Variants in SRD5A1 observed in about 807,000 individuals in gnomAD.
The protein encoded by SRD5A1 is 3-oxo-5-alpha-steroid 4-dehydrogenase 1.
Under a neutral mutation model 28.2 loss-of-function variants are expected in SRD5A1, and 22 were observed. The ratio of observed to expected loss-of-function variants is 0.78; its 90% confidence interval spans 0.56 to 1.12. SRD5A1 has a LOEUF of 1.12. Among genes scored for constraint, SRD5A1 ranks in the 50% most tolerant of loss-of-function variants. SRD5A1 has a pLI of 0.00. For missense variants in SRD5A1, 300 were observed against 346.7 expected (o/e 0.87, Z 1.07); for synonymous variants, 151 against 135.0 (o/e 1.12, Z -0.82).
intron 1 of SRD5A1, among the ~76,000 whole-genome samples, chr5:6,637,628 G>T (rs1254738734): frequency 6.6e-6 from 1 of 152,202 alleles, no homozygotes; most frequent in Non-Finnish European, 1.5e-5. Context: ...TTAGTCAGGG[G>T]ATTGTCTCTG....
rs1479135194 is a variant in SRD5A1 at position 6,668,410 on chromosome 5, A to G, written c.*142A>G. 3 of 531,068 alleles carry G rather than the reference A, an allele frequency of 5.6e-6. No homozygotes were observed. 32.9% of individuals were successfully genotyped at this position (531,068 alleles called of 1,614,324 possible). ...TCCTCTAGGAATTTTTTTTCTAGTA[A>G]TTTTGCAATCTACCTAATAAGTACC... On this transcript the variant is annotated 3_prime_UTR_variant, in exon 5 of 5. Transcript: ENST00000274192.
At chr5:6,636,239 C>G (rs1305193614) in intron 1 of SRD5A1, among the ~76,000 whole-genome samples, 1 of 152,122 alleles carries the variant, frequency 6.6e-6, no homozygotes, top group African/African-American at 2.4e-5. Context: ...TGGAAGAGAA[C>G]CAGAGTGGAA....
In SRD5A1 at chr5:6,671,846, G is replaced by A. The variant is rs39847; in HGVS notation, c.*3578G>A. 0.72 allele frequency: 109,126 copies of A among 152,140 alleles called. 39,299 individuals carry two copies. The highest frequency in any genetic ancestry group is 0.79 in the East Asian group (4,074 of 5,180). The allele number at this position is 152,140 out of a possible 1,614,324, so 9.4% of individuals were successfully genotyped here. ...CTTATGGGAAAAAAAGATATTCATCGACCTATTCCAGGTCCTCTCTCCACC... is the reference window on the plus strand; with the variant it reads ...CTTATGGGAAAAAAAGATATTCATCAACCTATTCCAGGTCCTCTCTCCACC... On this transcript the variant is annotated 3_prime_UTR_variant, in exon 5 of 5. Transcript: ENST00000274192.
intron 4 of SRD5A1, among the ~76,000 whole-genome samples, chr5:6,667,581 C>G (rs1561007186): frequency 6.6e-6 from 1 of 152,188 alleles, no homozygotes; most frequent in Non-Finnish European, 1.5e-5. Context: ...GCCACCTTTC[C>G]CAACTGGCTA....
chr5:6,652,103 T>C (rs1738695203), intron 2 of SRD5A1, 95 bp downstream of exon 2: 1 of 1,383,492 alleles, frequency 7.2e-7, no homozygotes, highest in African/African-American at 1.4e-5. Context: ...AAGCTTCCTG[T>C]GAGAACAAAG....
Position 6,668,228 on chromosome 5 carries a change from A to G in SRD5A1, c.740A>G (p.Tyr247Cys). 1 of 1,588,760 alleles carries G rather than the reference A, an allele frequency of 6.3e-7. No individual in the cohort carries two copies. The highest frequency in any genetic ancestry group is 1.2e-5 in the South Asian group (1 of 85,358). Residue 247 changes from tyrosine (Y) to cysteine (C), a missense_variant, in exon 5 of 5, where the codon TAT (tyrosine) becomes TGT (cysteine). By Grantham distance (194) the Tyr-to-Cys change is radical. Around this residue, in one of 2 missense-constraint regions of SRD5A1, gnomAD observed 126 missense variants for 185.7 expected, o/e 0.68. Transcript: ENST00000274192. ...HEWYLRKFEE[Y>C]PKFRKIIIPF... ...TGGTACCTCCGGAAATTTGAAGAGTATCCAAAGTTCAGAAAAATTATAATT... is the reference window on the plus strand; with the variant it reads ...TGGTACCTCCGGAAATTTGAAGAGTGTCCAAAGTTCAGAAAAATTATAATT...
intron 3 of SRD5A1, among the ~76,000 whole-genome samples, chr5:6,661,249 G>A (rs1738989963): frequency 6.6e-6 from 1 of 152,032 alleles, no homozygotes; most frequent in African/African-American, 2.4e-5. Context: ...TAAAAAAATA[G>A]ACCATCTCAG....
At chr5:6,658,338 A>T (rs1738893470) in intron 3 of SRD5A1, among the ~76,000 whole-genome samples, 1 of 152,166 alleles carries the variant, frequency 6.6e-6, no homozygotes. Context: ...AAAATAAAAA[A>T]AATAAAATGT....
Position 6,649,361 on chromosome 5 carries a change from G to A in SRD5A1, c.294-2481G>A, listed in dbSNP as rs550676874. Among the ~76,000 whole-genome samples, 9 of 152,316 alleles carry A rather than the reference G, an allele frequency of 5.9e-5. No individual in the cohort carries two copies. The South Asian group carries it at 8.3e-4, about 14-fold the overall frequency. ...CAGGTGCTCTGTCCCAGGGAGCTGC[G>A]GTTGGCTCTGCCCAGTTCGAACTTC... On this transcript the variant is annotated intron_variant, in intron 1 of 4. Transcript: ENST00000274192.
chr5:6,666,499 TAATC>T (rs1398581339), intron 4 of SRD5A1, among the ~76,000 whole-genome samples: 2 of 152,328 alleles, frequency 1.3e-5, no homozygotes, highest in Non-Finnish European at 2.9e-5. Flanking sequence ...CTTTCTATAA[TAATC>T]AGTATTTAAA....
intron 4 of SRD5A1, among the ~76,000 whole-genome samples, chr5:6,667,177 C>T (rs1339581831): frequency 6.6e-6 from 1 of 152,220 alleles, no homozygotes; most frequent in Non-Finnish European, 1.5e-5. Flanking sequence ...GGTCCATGCG[C>T]CACCACTGAG....
At chr5:6,656,583 G>A (rs967961728) in intron 3 of SRD5A1, among the ~76,000 whole-genome samples, 2 of 152,152 alleles carry the variant, frequency 1.3e-5, no homozygotes, top group East Asian at 3.8e-4. Flanking sequence ...ATCAAGAAAG[G>A]AACTAATCAT....
chr5:6,652,663 G>A (rs1738713271), intron 2 of SRD5A1, among the ~76,000 whole-genome samples: 1 of 152,052 alleles, frequency 6.6e-6, no homozygotes. Flanking sequence ...CTTGAATCCA[G>A]GAGTTCAAGA....
intron 1 of SRD5A1, among the ~76,000 whole-genome samples, chr5:6,649,444 G>A (rs1738602227): frequency 6.6e-6 from 1 of 152,174 alleles, no homozygotes; most frequent in Non-Finnish European, 1.5e-5. Context: ...CAGCAGTGGT[G>A]GATGCCCCTC....
At chr5:6,654,101 G>A (rs1304907901) in intron 2 of SRD5A1, among the ~76,000 whole-genome samples, 1 of 151,914 alleles carries the variant, frequency 6.6e-6, no homozygotes, top group African/African-American at 2.4e-5. Context: ...CGCCCAGGCT[G>A]GAGTGCAGAG....
chr5:6,668,315 G>C lies in SRD5A1; in HGVS notation c.*47G>C. The C allele has an allele frequency of 1.8e-6, 2 of 1,109,818 alleles. No homozygotes were observed. The highest frequency in any genetic ancestry group is 2.7e-6 in the Non-Finnish European group (2 of 753,110). 68.7% of individuals were successfully genotyped at this position (1,109,818 alleles called of 1,614,324 possible). The stretch of plus-strand genomic sequence containing the variant: ...CTTCAACTTGAAGCTTTCCAATGGC[G>C]CTTCTCTATGGACTTTGTAAATAAG... On this transcript the variant is annotated 3_prime_UTR_variant, in exon 5 of 5. Coordinates refer to ENST00000274192, the MANE Select transcript of SRD5A1 (RefSeq NM_001047.4).
At chr5:6,639,349 G>A (rs191878181) in intron 1 of SRD5A1, among the ~76,000 whole-genome samples, 7 of 152,256 alleles carry the variant, frequency 4.6e-5, no homozygotes, top group African/African-American at 1.4e-4. Flanking sequence ...AGGTCCCATC[G>A]AGCATATGAG....
At chr5:6,665,496 TACA>T (rs1350707447) in intron 4 of SRD5A1, among the ~76,000 whole-genome samples, 1 of 152,236 alleles carries the variant, frequency 6.6e-6, no homozygotes, top group African/African-American at 2.4e-5. Flanking sequence ...TTGGTTGAAA[TACA>T]ACGTTATCTC....
intron 3 of SRD5A1, among the ~76,000 whole-genome samples, chr5:6,659,620 C>T (rs368706564): frequency 2.6e-5 from 4 of 152,062 alleles, no homozygotes; most frequent in Admixed American, 6.5e-5. Context: ...CACCCTATAC[C>T]GGAGGAAGTG....
Sources: gnomAD v4.1 joint callset for allele counts (sites outside exome capture counted in the v4.1 genomes callset) on GRCh38, gnomAD v4.1.1 for gene constraint, gnomAD v4.1.1 regional missense constraint, MANE v1.5 for transcripts, NCBI Gene and HGNC (gene_info 2026-07-23, HGNC 2026-07-21) for gene names.